Variants in NISCH observed in about 807,000 individuals in gnomAD.
NISCH encodes the protein nischarin, also known as I-1 receptor candidate protein.
In NISCH, 55 loss-of-function variants were observed where a neutral mutation model predicts 138.4. The observed-to-expected ratio is 0.40, with a 90% CI of 0.32 to 0.50. The LOEUF is 0.50. Ranked by LOEUF, NISCH falls within the 20% of genes least tolerant of loss-of-function variation. The pLI, the probability that NISCH is intolerant of heterozygous loss-of-function variation, is 0.71. For missense variants in NISCH, 1,643 were observed against 2,005.5 expected, an observed-to-expected ratio of 0.82 and a Z score of 3.45; for synonymous variants, 860 against 861.5, an observed-to-expected ratio of 1.00 and a Z score of 0.03.
At position 52,489,639 on chromosome 3, in the gene NISCH, C is replaced by T. The variant is rs1332192557; in HGVS notation, c.3417C>T (p.Gly1139=). The T allele has an allele frequency of 6.2e-7, 1 of 1,612,878 alleles. No individual in the cohort carries two copies. The highest frequency in any genetic ancestry group is 1.7e-5 in the Admixed American group (1 of 60,012). Residue 1139 remains glycine, a synonymous_variant, in exon 17 of 21, where the codon GGC becomes GGT. Transcript: ENST00000345716. ...TCCGGCACGTCGCCAGCCTGCGGGG[C>T]AGCGCCATCATCGAGCTCTTCCACA... ...PSLRHVASLR[G]SAIIELFHSS... is the part of the protein sequence containing the mutation.
In NISCH at chr3:52,492,164, G is replaced by A. The variant is rs776960078; in HGVS notation, c.4197G>A (p.Pro1399=). The change falls in exon 21 of 21, where the codon CCG becomes CCA. Residue 1399 remains proline, a synonymous_variant. Coordinates refer to ENST00000345716, the MANE Select transcript of NISCH (RefSeq NM_007184.4). ...CACTGCCCGAGTTTGCCAAAGAGCCGCCGCAGAGAGACAGGTACCGGCTGG... is the reference window on the plus strand; with the variant it reads ...CACTGCCCGAGTTTGCCAAAGAGCCACCGCAGAGAGACAGGTACCGGCTGG... ...HYPLPEFAKE[P]PQRDRYRLDD... is the part of the protein sequence containing the mutation. 16 of 1,612,996 alleles carry A rather than the reference G, an allele frequency of 9.9e-6. No individual in the cohort carries two copies. Among genetic ancestry groups the A allele is most frequent in the East Asian group, 8.9e-5 (4 of 44,890 alleles).
At chr3:52,474,566 G>C (rs1707047936) in intron 7 of NISCH, among the ~76,000 whole-genome samples, 1 of 152,168 alleles carries the variant, frequency 6.6e-6, no homozygotes, top group African/African-American at 2.4e-5. Flanking sequence ...AAAGTGCTGG[G>C]ATTACAGGCG....
intron 4 of NISCH, chr3:52,471,599 C>T (rs1214137303): frequency 1.5e-5 from 9 of 587,572 alleles, no homozygotes; most frequent in African/African-American, 5.7e-5. Context: ...CACAGCCCCA[C>T]AGCCCTGCCC....
chr3:52,480,211 G>C lies in NISCH; in HGVS notation c.1444G>C (p.Ala482Pro), dbSNP rs1412018026. ...TGGTGAAGACTCCCGGCTCTCAGCT[G>C]CCCCCTGCATCAGACCCAGCAGCTC... ...KGGEDSRLSA[A>P]PCIRPSSSPP... The change falls in exon 13 of 21, where the codon GCC becomes CCC. Residue 482 changes from alanine (A) to proline (P), a missense_variant. Transcript: ENST00000345716. 3 of 1,613,876 alleles carry C rather than the reference G, an allele frequency of 1.9e-6. No individual in the cohort carries two copies. In the South Asian group the frequency reaches 3.3e-5, roughly 18 times the overall value.
At chr3:52,490,571 C>T in intron 18 of NISCH, 134 bp from the exon 19 acceptor site, 2 of 1,214,330 alleles carry the variant, frequency 1.6e-6, no homozygotes, top group Non-Finnish European at 2.3e-6. Context: ...CTCCAGAGGG[C>T]ATTGCCTATG....
intron 19 of NISCH, 25 bp from the exon 20 acceptor site, chr3:52,491,327 C>G (rs749692107): frequency 6.3e-7 from 1 of 1,598,772 alleles, no homozygotes; most frequent in South Asian, 1.1e-5. Context: ...CGGCCTGTGG[C>G]CCTGACCAGC....
At position 52,488,560 on chromosome 3, in the gene NISCH, C is replaced by G. The variant is rs774941238; in HGVS notation, c.3068C>G (p.Pro1023Arg). 5 of 1,612,690 alleles carry G rather than the reference C, an allele frequency of 3.1e-6. No homozygotes were observed. In the South Asian group the frequency reaches 5.5e-5, roughly 18 times the overall value. Reference protein sequence around the residue: ...IAKTPGTGGSPQGSFADGQPA... With the variant: ...IAKTPGTGGSRQGSFADGQPA... ...AAGACCCCCGGGACGGGAGGCAGCC[C>G]CCAGGGCTCCTTTGCGGATGGCCAG... Residue 1023 changes from proline to arginine, a missense_variant, in exon 16 of 21, where the codon CCC becomes CGC. Coordinates refer to ENST00000345716, the MANE Select transcript of NISCH (RefSeq NM_007184.4).
At chr3:52,466,293 T>C (rs1706777551) in intron 3 of NISCH, among the ~76,000 whole-genome samples, 1 of 152,126 alleles carries the variant, frequency 6.6e-6, no homozygotes, top group Non-Finnish European at 1.5e-5. Flanking sequence ...GGGCCGGGCA[T>C]GGTGACTCAC....
At position 52,489,521 on chromosome 3, in the gene NISCH, C is replaced by T; in HGVS notation, c.3299C>T (p.Ala1100Val). ...TPVEAPAPPP[A>V]EAPAQYPSEH... ...GTGGAAGCTCCAGCCCCACCCCCAG[C>T]CGAGGCCCCTGCCCAGTACCCGAGT... Residue 1100 changes from alanine (A) to valine (V), a missense_variant, in exon 17 of 21, where the codon GCC becomes GTC. By Grantham distance (64) the Ala-to-Val change is moderately conservative. Coordinates refer to ENST00000345716, the MANE Select transcript of NISCH (RefSeq NM_007184.4). 6.2e-7 allele frequency: 1 copy of T among 1,613,112 alleles called. No individual in the cohort carries two copies. The highest frequency in any genetic ancestry group is 8.5e-7 in the Non-Finnish European group (1 of 1,179,858).
intron 6 of NISCH, 147 bp downstream of exon 6, chr3:52,472,545 C>T (rs530172919): frequency 3.8e-5 from 26 of 688,600 alleles, no homozygotes; most frequent in Middle Eastern, 7.8e-4. Flanking sequence ...TGACCAGGCC[C>T]TCTGAAGGCG....
intron 3 of NISCH, among the ~76,000 whole-genome samples, chr3:52,468,674 A>G (rs967940661): frequency 2.0e-5 from 3 of 151,844 alleles, no homozygotes; most frequent in African/African-American, 7.3e-5. Context: ...GCCCTTTTCC[A>G]TTCGGCCCTG....
chr3:52,469,809 G>C (rs1454596764), intron 3 of NISCH, among the ~76,000 whole-genome samples: 1 of 152,030 alleles, frequency 6.6e-6, no homozygotes, highest in Non-Finnish European at 1.5e-5. Flanking sequence ...CAACTACTTG[G>C]GAGGCTGAGG....
At chr3:52,491,704 C>A in intron 20 of NISCH, 168 bp from the exon 21 acceptor site, 1 of 1,072,212 alleles carries the variant, frequency 9.3e-7, no homozygotes, top group Non-Finnish European at 1.3e-6. Context: ...ATCTGGCAGA[C>A]ACATCTCCAG....
At chr3:52,464,605 A>C (rs1164183112) in intron 3 of NISCH, among the ~76,000 whole-genome samples, 3 of 136,890 alleles carry the variant, frequency 2.2e-5, no homozygotes, top group Non-Finnish European at 4.6e-5. Context: ...ACTCACTGCA[A>C]CCTCCACCCC....
chr3:52,491,479 G>C lies in NISCH; in HGVS notation c.3870G>C (p.Lys1290Asn), dbSNP rs1707563512. ...CGCCCTCGCCGGAGCCTGTTGACAA[G>C]GACTTCTACTCCGAGTTTGGGAACA... ...ERTPSPEPVD[K>N]DFYSEFGNKT... Residue 1290 changes from lysine (K) to asparagine (N), a missense_variant, in exon 20 of 21, where the codon AAG becomes AAC. By Grantham distance (94) the Lys-to-Asn change is moderately conservative (BLOSUM62 0). Coordinates refer to ENST00000345716, the MANE Select transcript of NISCH (RefSeq NM_007184.4). 1.2e-6 allele frequency: 2 copies of C among 1,613,172 alleles called. No individual in the cohort carries two copies. The highest frequency in any genetic ancestry group is 1.7e-6 in the Non-Finnish European group (2 of 1,179,882).
chr3:52,490,235 G>A lies in NISCH; in HGVS notation c.3613+4G>A, dbSNP rs369639801. The A allele has an allele frequency of 1.6e-5, 25 of 1,611,840 alleles. No individual in the cohort carries two copies. Among genetic ancestry groups the A allele is most frequent in the Non-Finnish European group, 1.4e-5 (17 of 1,179,916 alleles). ...TACTTCTCAGAGCCACTGCAGGGTA[G>A]GCACAGGGCCTGCTGGGGCTCAGGA... On this transcript the variant is annotated splice_donor_region_variant and intron_variant, in intron 18 of 20. Coordinates refer to ENST00000345716, the MANE Select transcript of NISCH (RefSeq NM_007184.4).
At chr3:52,489,287 A>T in intron 16 of NISCH, 49 bp from the exon 17 acceptor site, 1 of 1,575,148 alleles carries the variant, frequency 6.3e-7, no homozygotes, top group Non-Finnish European at 8.6e-7. Flanking sequence ...TGCGATGTGA[A>T]TCTTCATTTG....
intron 11 of NISCH, among the ~76,000 whole-genome samples, chr3:52,479,210 G>T (rs1196605644): frequency 6.6e-6 from 1 of 152,122 alleles, no homozygotes; most frequent in Non-Finnish European, 1.5e-5. Context: ...CAGAGTGTCA[G>T]CTCCTGTCCA....
chr3:52,488,438 T>G lies in NISCH; in HGVS notation c.2946T>G (p.Thr982=). The change falls in exon 16 of 21, where the codon ACT becomes ACG. Residue 982 remains threonine (T), a synonymous_variant. Transcript: ENST00000345716. ...TGCTCGTGGGGTACCGCTTTGTCAC[T>G]GCCATCTTCGTGCTGCCCCACGAGA... The part of the protein sequence containing the change: ...LELLVGYRFV[T]AIFVLPHEKF... 1 of 1,613,794 alleles carries G rather than the reference T, an allele frequency of 6.2e-7. No individual in the cohort carries two copies. Among genetic ancestry groups the G allele is most frequent in the African/African-American group, 1.3e-5 (1 of 75,076 alleles).
Sources: allele counts gnomAD v4.1 joint callset (sites outside exome capture counted in the v4.1 genomes callset), GRCh38; gene constraint gnomAD v4.1.1; transcripts MANE v1.5; gene names NCBI Gene and HGNC (gene_info 2026-07-23, HGNC 2026-07-21).